The following CACNA1I variants were observed in gnomAD, a reference collection of about 807,000 sequenced individuals.
The protein encoded by CACNA1I is calcium voltage-gated channel subunit alpha1 I.
A neutral mutation model predicts 201.6 loss-of-function variants in CACNA1I; 74 were observed. The observed-to-expected ratio is 0.37, with a 90% CI of 0.30 to 0.45. CACNA1I has a LOEUF of 0.45. CACNA1I is among the 20% of genes least tolerant of loss of function. The pLI is 1.00. For missense variants in CACNA1I, 2,346 were observed against 3,138.1 expected, an observed-to-expected ratio of 0.75 and a Z score of 6.03; for synonymous variants, 1,431 against 1,345.2, an observed-to-expected ratio of 1.06 and a Z score of -1.40.
intron 10 of CACNA1I, chr22:39,656,555 G>A: frequency 1.9e-6 from 1 of 514,258 alleles, no homozygotes; most frequent in South Asian, 1.4e-5. Flanking sequence ...CAAAGGCAGG[G>A]ACGGTGCCCT....
intron 31 of CACNA1I, 47 bp downstream of exon 31, chr22:39,678,155 C>G: frequency 6.3e-7 from 1 of 1,588,848 alleles, no homozygotes; most frequent in African/African-American, 1.3e-5. Context: ...GGTGCTGGGA[C>G]AGTGAGGATG....
intron 25 of CACNA1I, 38 bp downstream of exon 25, chr22:39,670,268 T>A: frequency 6.3e-7 from 1 of 1,589,112 alleles, no homozygotes; most frequent in Non-Finnish European, 8.6e-7. Context: ...GCCACCCAGC[T>A]CTAAGCCCTT....
At chr22:39,630,083 G>A (rs1186860633) in intron 4 of CACNA1I, among the ~76,000 whole-genome samples, 3 of 152,072 alleles carry the variant, frequency 2.0e-5, no homozygotes, top group Non-Finnish European at 1.5e-5. Flanking sequence ...CCGCCTCTAG[G>A]CCTTTGTCCA....
rs952786998 is a variant in CACNA1I at position 39,688,522 on chromosome 22, G to A, written c.*2117G>A. Reference sequence around the variant, plus strand: ...CTTTTTGCAAGTCCGCGTGTTGCTGGAGGGACACGTGTATTGGAGCCCAGA... The same window carrying A: ...CTTTTTGCAAGTCCGCGTGTTGCTGAAGGGACACGTGTATTGGAGCCCAGA... On this transcript the variant is annotated 3_prime_UTR_variant, in exon 37 of 37. Coordinates refer to ENST00000402142, the MANE Select transcript of CACNA1I (RefSeq NM_021096.4). The surrounding 1 kb of genome is among the most constrained non-coding windows in gnomAD (Gnocchi z 4.8). 2 of 152,084 alleles carry A rather than the reference G, an allele frequency of 1.3e-5. No homozygotes were observed. Among genetic ancestry groups the A allele is most frequent in the Non-Finnish European group, 2.9e-5 (2 of 67,986 alleles). The allele number at this position is 152,084 out of a possible 1,614,324, so 9.4% of individuals were successfully genotyped here. A position where few individuals can be genotyped will look rare whatever the true frequency, so the allele number is the denominator to read the frequency against.
intron 1 of CACNA1I, among the ~76,000 whole-genome samples, chr22:39,572,044 G>A (rs1014272698): frequency 1.3e-5 from 2 of 152,228 alleles, no homozygotes; most frequent in Admixed American, 6.5e-5. Context: ...GTTGCAGGCA[G>A]TGTTGGAGCC....
At chr22:39,653,531 GAGA>G (rs1196998911) in intron 10 of CACNA1I, among the ~76,000 whole-genome samples, 1 of 152,212 alleles carries the variant, frequency 6.6e-6, no homozygotes, top group Non-Finnish European at 1.5e-5. Context: ...GGTGCAGGGA[GAGA>G]AGGAGAGGAG....
intron 4 of CACNA1I, among the ~76,000 whole-genome samples, chr22:39,625,463 A>C (rs1398099787): frequency 6.6e-6 from 1 of 152,202 alleles, no homozygotes; most frequent in Non-Finnish European, 1.5e-5. Flanking sequence ...TGACCTGAGA[A>C]GTCCCTTGGC....
intron 3 of CACNA1I, among the ~76,000 whole-genome samples, chr22:39,600,949 A>C (rs913611855): frequency 2.0e-5 from 3 of 152,172 alleles, no homozygotes; most frequent in African/African-American, 7.2e-5. Flanking sequence ...GAAAAGGGGA[A>C]TAATAATAGT....
At position 39,598,029 on chromosome 22, in the gene CACNA1I, G is replaced by A. The variant is rs1369477923; in HGVS notation, c.237-122G>A. The A allele has an allele frequency of 7.7e-6, 5 of 651,502 alleles. No individual in the cohort carries two copies. The African/African-American group carries it at 8.9e-5, about 12-fold the overall frequency. 40.4% of individuals were successfully genotyped at this position (651,502 alleles called of 1,614,324 possible). ...GTTTCAGGGATGGCACCCAGAGGGAGAAGAATGAGGAATGGGGTGTATGCC... is the reference window on the plus strand; with the variant it reads ...GTTTCAGGGATGGCACCCAGAGGGAAAAGAATGAGGAATGGGGTGTATGCC... On this transcript the variant is annotated intron_variant, in intron 1 of 36. Coordinates refer to ENST00000402142, the MANE Select transcript of CACNA1I (RefSeq NM_021096.4).
At position 39,649,405 on chromosome 22, in the gene CACNA1I, G is replaced by A. The variant is rs1934583258; in HGVS notation, c.1568-96G>A. 3.9e-6 allele frequency: 5 copies of A among 1,298,670 alleles called. No individual in the cohort carries two copies. In the East Asian group the frequency reaches 1.4e-4, roughly 36 times the overall value. The allele number at this position is 1,298,670 out of a possible 1,614,324, so 80.4% of individuals were successfully genotyped here. A position where few individuals can be genotyped will look rare whatever the true frequency, so the allele number is the denominator to read the frequency against. ...GGGTCGGCTGGTTCCAGGCAGACCT[G>A]TGGGCCTGGGAGCCAAGCGCACTCA... On this transcript the variant is annotated intron_variant, in intron 9 of 36. Transcript: ENST00000402142. The surrounding 1 kb of genome is among the most constrained non-coding windows in gnomAD (Gnocchi z 7.3).
rs9917574 is a variant in CACNA1I, at chr22:39,590,160, T to A, written c.237-7991T>A. On this transcript the variant is annotated intron_variant, in intron 1 of 36. Coordinates refer to ENST00000402142, the MANE Select transcript of CACNA1I (RefSeq NM_021096.4). Reference sequence around the variant, plus strand: ...CACGGTTGCTCTTCTAGCTGGGAACTGGCAGGTTTGAGGGAGCCCCAGCAT... The same window carrying A: ...CACGGTTGCTCTTCTAGCTGGGAACAGGCAGGTTTGAGGGAGCCCCAGCAT... 7.7e-3 allele frequency among the ~76,000 whole-genome samples: 1,171 copies of A among 152,284 alleles called. 19 individuals carry two copies. Among genetic ancestry groups the A allele is most frequent in the African/African-American group, 0.027 (1,127 of 41,556 alleles).
At chr22:39,658,364 C>A (rs747438670) in intron 11 of CACNA1I, 61 bp downstream of exon 11, 7 of 1,502,764 alleles carry the variant, frequency 4.7e-6, no homozygotes, top group Non-Finnish European at 5.5e-6. Context: ...ACTGCAAAGA[C>A]CCCAGCCAGC....
At chr22:39,599,164 G>C (rs577647225) in intron 2 of CACNA1I, among the ~76,000 whole-genome samples, 1 of 147,468 alleles carries the variant, frequency 6.8e-6, no homozygotes, top group Non-Finnish European at 1.5e-5. Flanking sequence ...TAGCCAGGAT[G>C]GTCTCAATCT....
chr22:39,686,877 G>GGA lies in CACNA1I; in HGVS notation c.*476_*477dup, dbSNP rs969999313. The GGA allele has an allele frequency of 1.2e-4, 18 of 151,672 alleles. No homozygotes were observed. Among genetic ancestry groups the GGA allele is most frequent in the African/African-American group, 4.1e-4 (17 of 41,374 alleles). 9.4% of individuals were successfully genotyped at this position (151,672 alleles called of 1,614,324 possible). On this transcript the variant is annotated 3_prime_UTR_variant, in exon 37 of 37. Coordinates refer to ENST00000402142, the MANE Select transcript of CACNA1I (RefSeq NM_021096.4). ...TCTCCTCCCTGGTTAAGAGTAGCTT[G>GGA]GAGAGGACCCTCAGGCCTCTGAGGG...
intron 3 of CACNA1I, among the ~76,000 whole-genome samples, chr22:39,617,841 C>G (rs1041835204): frequency 1.4e-5 from 2 of 143,166 alleles, no homozygotes; most frequent in African/African-American, 5.2e-5. Context: ...TTGGCCCCCT[C>G]CTCCCTCCCT....
chr22:39,680,602 C>T (rs1274137351), intron 33 of CACNA1I, among the ~76,000 whole-genome samples: 4 of 152,190 alleles, frequency 2.6e-5, no homozygotes, highest in African/African-American at 9.7e-5. Context: ...AAGTCCAGCC[C>T]AGTCTTGACG....
chr22:39,621,184 G>A (rs571106350), intron 4 of CACNA1I, among the ~76,000 whole-genome samples: 6 of 152,340 alleles, frequency 3.9e-5, no homozygotes, highest in Admixed American at 1.3e-4. Context: ...GCAATTCAGC[G>A]GCAGAGCTGG....
rs567058524 is a variant in CACNA1I, at chr22:39,627,504, G to A, written c.581-7061G>A. ...GTGCACAGCGGGTGCCAACCCTCAC[G>A]CCCCAGGCCAAGCCCTTTCCTGCCC... On this transcript the variant is annotated intron_variant, in intron 4 of 36. Coordinates refer to ENST00000402142, the MANE Select transcript of CACNA1I (RefSeq NM_021096.4). Among the ~76,000 whole-genome samples, 13 of 152,312 alleles carry A rather than the reference G, an allele frequency of 8.5e-5. No individual in the cohort carries two copies. The South Asian group carries it at 1.7e-3, about 19-fold the overall frequency.
chr22:39,675,386 C>T (rs2146471201), intron 29 of CACNA1I, among the ~76,000 whole-genome samples: 1 of 152,238 alleles, frequency 6.6e-6, no homozygotes, highest in African/African-American at 2.4e-5. Context: ...CTCCCCTTCC[C>T]CATGCTCTGA....
Sources: allele counts gnomAD v4.1 joint callset (sites outside exome capture counted in the v4.1 genomes callset), GRCh38; gene constraint gnomAD v4.1.1; non-coding constraint Gnocchi (gnomAD v3.1); transcripts MANE v1.5; gene names NCBI Gene and HGNC (gene_info 2026-07-23, HGNC 2026-07-21).